CTNNA3: variants seen among roughly 807,000 people sequenced by gnomAD.
The protein encoded by CTNNA3 is catenin alpha 3.
A neutral mutation model predicts 95.7 loss-of-function variants in CTNNA3; 76 were observed. The ratio of observed to expected loss-of-function variants is 0.79; its 90% CI spans 0.66 to 0.96. The LOEUF (loss-of-function observed/expected upper bound fraction) is 0.96. Ranked by LOEUF, CTNNA3 falls within the 40% of genes least tolerant of loss-of-function variation. CTNNA3 has a pLI of 0.00. For synonymous variants in CTNNA3, 431 were observed against 374.4 expected, an observed-to-expected ratio of 1.15 and a Z score of -1.74; for missense variants, 1,191 against 1,089.8, an observed-to-expected ratio of 1.09 and a Z score of -1.31.
chr10:67,030,314 C>T (rs1302096050), intron 7 of CTNNA3, among the ~76,000 whole-genome samples: 1 of 152,144 alleles, frequency 6.6e-6, no homozygotes, highest in Non-Finnish European at 1.5e-5. Flanking sequence ...AAGCAATCTG[C>T]ATATGCTATC....
At chr10:67,759,584 T>C (rs1841451840) in intron 1 of CTNNA3, among the ~76,000 whole-genome samples, 1 of 152,214 alleles carries the variant, frequency 6.6e-6, no homozygotes, top group South Asian at 2.1e-4. Flanking sequence ...GTCCCCAAGA[T>C]TCCCACCCCT....
At chr10:67,278,415 T>G (rs1437553795) in intron 5 of CTNNA3, among the ~76,000 whole-genome samples, 1 of 152,176 alleles carries the variant, frequency 6.6e-6, no homozygotes, top group Non-Finnish European at 1.5e-5. Flanking sequence ...CACATTGGTT[T>G]GGTTCAGAAA....
At chr10:67,443,081 T>C (rs899626334) in intron 5 of CTNNA3, among the ~76,000 whole-genome samples, 42 of 150,442 alleles carry the variant, frequency 2.8e-4, no homozygotes, top group Non-Finnish European at 5.2e-4. Context: ...TTACTGAGAA[T>C]GATGATTTCC....
intron 12 of CTNNA3, among the ~76,000 whole-genome samples, chr10:66,289,450 G>A (rs747731354): frequency 1.5e-4 from 23 of 150,960 alleles, no homozygotes; most frequent in Non-Finnish European, 2.2e-4. Context: ...TATTAACTTC[G>A]GGGAGCCCAA....
chr10:67,670,379 AAAAC>A (rs1840408539), intron 1 of CTNNA3, among the ~76,000 whole-genome samples: 1 of 152,238 alleles, frequency 6.6e-6, no homozygotes, highest in South Asian at 2.1e-4. Flanking sequence ...TATATGTACA[AAAAC>A]AAAATCAATT....
chr10:67,535,974 G>A (rs1231423783), intron 4 of CTNNA3, among the ~76,000 whole-genome samples: 2 of 152,106 alleles, frequency 1.3e-5, no homozygotes, highest in East Asian at 3.9e-4. Context: ...TAAAAGCAAG[G>A]AAAATGATAG....
At chr10:67,640,495 G>A (rs1219818588) in intron 2 of CTNNA3, among the ~76,000 whole-genome samples, 6 of 150,928 alleles carry the variant, frequency 4.0e-5, no homozygotes, top group South Asian at 4.3e-4. Context: ...ACAGAATTGG[G>A]AAAAACTACT....
intron 5 of CTNNA3, among the ~76,000 whole-genome samples, chr10:67,446,342 C>G: frequency 6.6e-6 from 1 of 152,194 alleles, no homozygotes; most frequent in South Asian, 2.1e-4. Flanking sequence ...TCTCCTAGAC[C>G]GAACTCTCAA....
rs371357574 is a variant in CTNNA3, at chr10:67,248,180, G to T, written c.580-28310C>A. ...TAATTAAAAATACAAAGATTAGCTG[G>T]GTGTGGTGGCACGTGCCTGTAGTCC... is the stretch of plus-strand genomic sequence containing the variant. On this transcript the variant is annotated intron_variant, in intron 5 of 17. Transcript: ENST00000433211. Among the ~76,000 whole-genome samples, 7 of 152,040 alleles carry T rather than the reference G, an allele frequency of 4.6e-5. No homozygotes were observed. The South Asian group carries it at 6.2e-4, about 14-fold the overall frequency.
chr10:66,516,082 G>T lies in CTNNA3; in HGVS notation c.1531+4535C>A, dbSNP rs899884555. Among the ~76,000 whole-genome samples the T allele has an allele frequency of 2.0e-4, 16 of 79,524 alleles. No homozygotes were observed. The South Asian group carries it at 3.1e-3, about 15-fold the overall frequency. The allele number at this position is 79,524 out of a possible 152,430, so 52.2% of individuals were successfully genotyped here. On this transcript the variant is annotated intron_variant, in intron 11 of 17. Coordinates refer to ENST00000433211, the MANE Select transcript of CTNNA3 (RefSeq NM_013266.4). ...TTATCTGGAAAAAAAAAAAAAAAAGGTAACCCATCTATTCATTGGTTTTAT... is the reference window on the plus strand; with the variant it reads ...TTATCTGGAAAAAAAAAAAAAAAAGTTAACCCATCTATTCATTGGTTTTAT...
chr10:66,518,531 G>A (rs1348162461), intron 11 of CTNNA3, among the ~76,000 whole-genome samples: 5 of 152,020 alleles, frequency 3.3e-5, no homozygotes, highest in African/African-American at 1.2e-4. Flanking sequence ...CTATATGAAG[G>A]AGATAGCAAA....
At chr10:67,297,582 T>A (rs1318235617) in intron 5 of CTNNA3, among the ~76,000 whole-genome samples, 1 of 152,176 alleles carries the variant, frequency 6.6e-6, no homozygotes, top group Non-Finnish European at 1.5e-5. Flanking sequence ...TCATAGGAAA[T>A]TCCCCACGAA....
intron 6 of CTNNA3, among the ~76,000 whole-genome samples, chr10:67,200,155 AAT>A (rs1863576958): frequency 6.6e-6 from 1 of 152,136 alleles, no homozygotes; most frequent in Non-Finnish European, 1.5e-5. Context: ...TATAGGAAGA[AAT>A]TGGCTGAATT....
At chr10:67,682,971 C>T (rs374738816) in intron 1 of CTNNA3, among the ~76,000 whole-genome samples, 25 of 152,244 alleles carry the variant, frequency 1.6e-4, no homozygotes, top group African/African-American at 4.6e-4. Context: ...CTGTCTTAAG[C>T]GGGAAGAAGA....
chr10:66,657,239 T>C (rs956145316), intron 9 of CTNNA3, among the ~76,000 whole-genome samples: 113 of 152,148 alleles, frequency 7.4e-4, no homozygotes, highest in Non-Finnish European at 1.3e-4. Context: ...AAGATTAATA[T>C]TCTCTACAGG....
At chr10:66,603,810 C>T (rs1375873566) in intron 10 of CTNNA3, among the ~76,000 whole-genome samples, 1 of 151,978 alleles carries the variant, frequency 6.6e-6, no homozygotes, top group African/African-American at 2.4e-5. Flanking sequence ...GACAAGAGTG[C>T]CAAAAGCATA....
intron 11 of CTNNA3, among the ~76,000 whole-genome samples, chr10:66,459,272 A>G (rs536975932): frequency 4.6e-5 from 7 of 152,310 alleles, no homozygotes; most frequent in Non-Finnish European, 7.4e-5. Flanking sequence ...TCTGTGTTAA[A>G]TGGCTGCTAT....
intron 1 of CTNNA3, among the ~76,000 whole-genome samples, chr10:67,662,576 G>A (rs1050496404): frequency 2.0e-5 from 3 of 152,156 alleles, no homozygotes; most frequent in Non-Finnish European, 2.9e-5. Flanking sequence ...TATCAAAAGC[G>A]TTTTGCTGAG....
intron 7 of CTNNA3, among the ~76,000 whole-genome samples, chr10:67,115,799 T>C (rs576822321): frequency 4.1e-4 from 62 of 151,972 alleles, no homozygotes; most frequent in Admixed American, 1.6e-3. Flanking sequence ...AGAAAGGGGC[T>C]CTCTTTTAGG....
Sources: allele counts gnomAD v4.1 joint callset (sites outside exome capture counted in the v4.1 genomes callset), GRCh38; gene constraint gnomAD v4.1.1; transcripts MANE v1.5; gene names NCBI Gene and HGNC (gene_info 2026-07-23, HGNC 2026-07-21).